Variants in RAB6A observed in about 807,000 individuals in gnomAD.
The protein encoded by RAB6A is RAB6A, member RAS oncogene family.
In RAB6A, 8 loss-of-function variants were observed where a neutral mutation model predicts 32.3. The observed-to-expected ratio is 0.25, with a 90% CI of 0.15 to 0.45. RAB6A has a LOEUF of 0.45. Ranked by LOEUF, RAB6A falls within the 20% of genes least tolerant of loss-of-function variation. RAB6A has a pLI of 1.00. For synonymous variants in RAB6A, 73 were observed against 82.1 expected (o/e 0.89, Z 0.60); for missense variants, 104 against 249.4 (o/e 0.42, Z 3.93).
intron 1 of RAB6A, among the ~76,000 whole-genome samples, chr11:73,748,568 A>G (rs1463083842): frequency 5.9e-5 from 9 of 152,190 alleles, no homozygotes; most frequent in Admixed American, 5.9e-4. Flanking sequence ...TGGGAATGCT[A>G]TATAGATGAA....
chr11:73,685,593 T>TCTTTTTTTTTTTTTTTTTTTTTTTTTA (rs1555054180), intron 6 of RAB6A, among the ~76,000 whole-genome samples: 12 of 146,954 alleles, frequency 8.2e-5, no homozygotes, highest in Non-Finnish European at 1.0e-4. Context: ...GGACTGAAAG[T>TCTTTTTTTTTTTTTTTTTTTTTTTTTA]AGCGACCAGG....
At chr11:73,752,437 C>G (rs547039223) in intron 1 of RAB6A, among the ~76,000 whole-genome samples, 1 of 152,108 alleles carries the variant, frequency 6.6e-6, no homozygotes, top group South Asian at 2.1e-4. Context: ...GCCGGGGTGA[C>G]AGGGCAAGAT....
In RAB6A at chr11:73,739,738, T is replaced by C. The variant is rs115720498; in HGVS notation, c.71-8915A>G. ...TGAAGGATACCTAGGATTCACACAA[T>C]CTAAGACTGGTATTTGCATAAAAAA... On this transcript the variant is annotated intron_variant, in intron 1 of 7. Transcript: ENST00000336083. 2.8e-3 allele frequency among the ~76,000 whole-genome samples: 426 copies of C among 152,118 alleles called. 3 individuals are homozygous for C. The highest frequency in any genetic ancestry group is 8.9e-3 in the African/African-American group (371 of 41,526).
chr11:73,731,340 C>T (rs1444168837), intron 1 of RAB6A, among the ~76,000 whole-genome samples: 1 of 151,796 alleles, frequency 6.6e-6, no homozygotes. Context: ...GTCAAGAGAT[C>T]GAGACCATCC....
At chr11:73,709,888 CATAT>C (rs1221710907) in intron 5 of RAB6A, among the ~76,000 whole-genome samples, 1 of 146,094 alleles carries the variant, frequency 6.8e-6, no homozygotes, top group East Asian at 2.0e-4. Flanking sequence ...TACATATATA[CATAT>C]ATATACACAC....
chr11:73,701,795 A>C (rs1428560080), intron 6 of RAB6A, among the ~76,000 whole-genome samples: 9 of 151,924 alleles, frequency 5.9e-5, no homozygotes, highest in Admixed American at 5.9e-4. Context: ...TGGGACTACC[A>C]CGCTGGGTTA....
intron 6 of RAB6A, among the ~76,000 whole-genome samples, chr11:73,688,997 C>A (rs1166135786): frequency 6.6e-6 from 1 of 152,062 alleles, no homozygotes; most frequent in Non-Finnish European, 1.5e-5. Flanking sequence ...GTGGTAGGCT[C>A]CTGTAGTCCA....
rs375733945 is a variant in RAB6A, at chr11:73,739,304, T to TATATATATATATATATATATAA, written c.71-8482_71-8481insTTATATATATATATATATATAT. 3.7e-3 allele frequency among the ~76,000 whole-genome samples: 117 copies of TATATATATATATATATATATAA among 31,686 alleles called. 6 individuals carry two copies. Among genetic ancestry groups the TATATATATATATATATATATAA allele is most frequent in the Non-Finnish European group, 6.4e-3 (86 of 13,358 alleles). The allele number at this position is 31,686 out of a possible 152,430, so 20.8% of individuals were successfully genotyped here. A position where few individuals can be genotyped will look rare whatever the true frequency, so the allele number is the denominator to read the frequency against. On this transcript the variant is annotated intron_variant, in intron 1 of 7. Transcript: ENST00000336083. The stretch of plus-strand genomic sequence containing the variant: ...AAAAAAATATATATATATATATATA[T>TATATATATATATATATATATAA]AAATACTGGAACACCAAAGATAACT...
chr11:73,746,189 G>C (rs1724352081), intron 1 of RAB6A, among the ~76,000 whole-genome samples: 1 of 151,358 alleles, frequency 6.6e-6, no homozygotes, highest in African/African-American at 2.4e-5. Context: ...GCTGTTGTAA[G>C]CTAAAGAGAA....
At chr11:73,682,499 T>C (rs936630710) in intron 6 of RAB6A, among the ~76,000 whole-genome samples, 2 of 152,020 alleles carry the variant, frequency 1.3e-5, no homozygotes, top group African/African-American at 4.8e-5. Context: ...CCATCTCTAC[T>C]AAAAATACAC....
intron 1 of RAB6A, among the ~76,000 whole-genome samples, chr11:73,745,749 T>G (rs1262361146): frequency 6.6e-6 from 1 of 152,052 alleles, no homozygotes; most frequent in Non-Finnish European, 1.5e-5. Context: ...GGAAAACTGC[T>G]CGAACCCGGG....
chr11:73,716,439 A>G (rs1590857307), intron 4 of RAB6A, 77 bp from the exon 5 acceptor site: 5 of 1,015,934 alleles, frequency 4.9e-6, no homozygotes, highest in Non-Finnish European at 7.5e-6. Flanking sequence ...TCCCTCCAAA[A>G]AAGCCCTGGA....
intron 2 of RAB6A, among the ~76,000 whole-genome samples, chr11:73,724,068 C>T (rs1239039223): frequency 6.6e-6 from 1 of 152,076 alleles, no homozygotes; most frequent in Admixed American, 6.5e-5. Context: ...TCTCAAATTC[C>T]ATATAAACGC....
intron 2 of RAB6A, among the ~76,000 whole-genome samples, chr11:73,723,657 G>A (rs1205019269): frequency 6.6e-6 from 1 of 152,022 alleles, no homozygotes; most frequent in African/African-American, 2.4e-5. Flanking sequence ...TTGCCTACTA[G>A]GCACCATCAT....
chr11:73,690,681 ATACCATG>A (rs1467313092), intron 6 of RAB6A, among the ~76,000 whole-genome samples: 3 of 148,298 alleles, frequency 2.0e-5, no homozygotes, highest in African/African-American at 7.4e-5. Flanking sequence ...TGGCTTCGAA[ATACCATG>A]TAACATCTTA....
rs1946112034 is a variant in RAB6A at position 73,720,096 on chromosome 11, G to T, written c.183+750C>A. ...ACAAGTATCTCTTCAAGGGGTAGTG[G>T]GCTAGAATACAGATTTTACACTGTA... On this transcript the variant is annotated intron_variant, in intron 3 of 7. Coordinates refer to ENST00000336083, the MANE Select transcript of RAB6A (RefSeq NM_198896.2). Among the ~76,000 whole-genome samples, 3 of 151,894 alleles carry T rather than the reference G, an allele frequency of 2.0e-5. No homozygotes were observed. The South Asian group carries it at 6.2e-4, about 32-fold the overall frequency.
chr11:73,738,252 CCCA>C (rs1301048928), intron 1 of RAB6A, among the ~76,000 whole-genome samples: 2 of 152,088 alleles, frequency 1.3e-5, no homozygotes, highest in African/African-American at 2.4e-5. Context: ...AAGCAATCCT[CCCA>C]CCACGGCCTC....
At chr11:73,719,051 T>C (rs1345234161) in intron 3 of RAB6A, among the ~76,000 whole-genome samples, 1 of 152,014 alleles carries the variant, frequency 6.6e-6, no homozygotes, top group Admixed American at 6.6e-5. Context: ...AACACAAAAC[T>C]CCTTTTTCAA....
At chr11:73,760,506 C>T in intron 1 of RAB6A, 60 bp downstream of exon 1, 2 of 1,538,730 alleles carry the variant, frequency 1.3e-6, no homozygotes, top group Non-Finnish European at 1.8e-6. Context: ...AAGGGCCGCA[C>T]CGGGGGCGGT....
Sources: allele counts gnomAD v4.1 joint callset (sites outside exome capture counted in the v4.1 genomes callset), GRCh38; gene constraint gnomAD v4.1.1; transcripts MANE v1.5; gene names NCBI Gene and HGNC (gene_info 2026-07-23, HGNC 2026-07-21).